Variants in RMP64 observed in about 807,000 individuals in gnomAD.
RMP64 encodes nucleolus and neural progenitor protein.
At chr3:113,008,086 C>A in the RMP64 span, 1 of 1,294,738 alleles carries the variant, frequency 7.7e-7, no homozygotes, top group Admixed American at 2.0e-5. Context: ...CTGGACATCA[C>A]ATTTTAAAGA....
At chr3:113,010,772 T>G in the RMP64 span, 1 of 1,315,020 alleles carries the variant, frequency 7.6e-7, no homozygotes, top group Non-Finnish European at 1.1e-6. Context: ...CAACAAATTC[T>G]TAAGTGCATG....
At chr3:113,013,431 CT>C in the RMP64 span, 1 of 1,415,378 alleles carries the variant, frequency 7.1e-7, no homozygotes, top group Non-Finnish European at 9.6e-7. Context: ...AAGTACATTA[CT>C]TTCACTTAAA....
At chr3:113,014,383 T>A in the RMP64 span, 1 of 183,984 alleles carries the variant, frequency 5.4e-6, no homozygotes, top group African/African-American at 2.5e-5. Context: ...TCAGATGGAG[T>A]CTCACTCTGT....
the RMP64 span, chr3:113,017,611 G>C: frequency 1.2e-6 from 2 of 1,611,830 alleles, no homozygotes; most frequent in African/African-American, 2.7e-5. Context: ...GTCTGAAGCA[G>C]AGACATCTAA....
chr3:113,007,236 C>T, the RMP64 span, among the ~76,000 whole-genome samples: 2 of 152,174 alleles, frequency 1.3e-5, no homozygotes, highest in Non-Finnish European at 2.9e-5. Context: ...CACTTTATCC[C>T]TCAGGAATAT....
chr3:113,019,545 G>A, the RMP64 span: 3 of 1,612,442 alleles, frequency 1.9e-6, no homozygotes, highest in Non-Finnish European at 2.5e-6. Flanking sequence ...CACTCACCAA[G>A]GGCCGCGCCG....
At chr3:113,017,876 T>C in the RMP64 span, among the ~76,000 whole-genome samples, 2 of 152,202 alleles carry the variant, frequency 1.3e-5, no homozygotes, top group African/African-American at 4.8e-5. Context: ...TTAATAATCT[T>C]TCATATGAAT....
chr3:113,016,893 G>A, the RMP64 span, among the ~76,000 whole-genome samples: 1 of 152,146 alleles, frequency 6.6e-6, no homozygotes, highest in Non-Finnish European at 1.5e-5. Flanking sequence ...CTTAAGAGAG[G>A]CTCTACTCTA....
the RMP64 span, among the ~76,000 whole-genome samples, chr3:113,007,959 T>C: frequency 1.3e-5 from 2 of 152,346 alleles, no homozygotes; most frequent in Admixed American, 1.3e-4. Context: ...TAACGGGGAC[T>C]GAAGTCCAAT....
chr3:113,008,651 C>A, the RMP64 span: 14 of 359,912 alleles, frequency 3.9e-5, no homozygotes, highest in Admixed American at 4.6e-4. Flanking sequence ...TACGTACCCA[C>A]AAAACCTAAA....
chr3:113,012,765 G>C, the RMP64 span: 1 of 1,607,970 alleles, frequency 6.2e-7, no homozygotes, highest in Non-Finnish European at 8.5e-7. Context: ...ACCATCACAA[G>C]GTTTAAAATA....
At chr3:113,011,937 G>C in the RMP64 span, among the ~76,000 whole-genome samples, 6 of 152,118 alleles carry the variant, frequency 3.9e-5, no homozygotes, top group Admixed American at 6.5e-5. Flanking sequence ...AGATATCCAG[G>C]TTAAGATATC....
the RMP64 span, chr3:113,012,804 C>T: frequency 6.3e-7 from 1 of 1,596,842 alleles, no homozygotes; most frequent in Non-Finnish European, 8.6e-7. Flanking sequence ...AGATGTTTCA[C>T]AGTCAAACTG....
the RMP64 span, chr3:113,019,630 C>A: frequency 6.2e-7 from 1 of 1,613,340 alleles, no homozygotes; most frequent in East Asian, 2.2e-5. Flanking sequence ...CCAGGCCCGG[C>A]GGCACCGCAG....
chr3:113,009,390 A>G, the RMP64 span: 2 of 152,238 alleles, frequency 1.3e-5, no homozygotes, highest in Non-Finnish European at 2.9e-5. Flanking sequence ...GATCAATAGA[A>G]GTAGTTTGCT....
chr3:113,010,563 T>C, the RMP64 span: 1 of 1,161,886 alleles, frequency 8.6e-7, no homozygotes, highest in South Asian at 1.3e-5. Context: ...AATGAAAAGA[T>C]TCAATCTCTG....
At chr3:113,003,370 C>T in the RMP64 span, 9 of 152,042 alleles carry the variant, frequency 5.9e-5, no homozygotes, top group Admixed American at 3.3e-4. Flanking sequence ...TAATTCACTA[C>T]GATGACCCTG....
At chr3:113,010,742 G>GCAT in the RMP64 span, 1 of 1,519,358 alleles carries the variant, frequency 6.6e-7, no homozygotes, top group Non-Finnish European at 9.1e-7. Context: ...AAAACCTTAG[G>GCAT]CATACTATTT....
At chr3:113,019,555 G>A in the RMP64 span, 1 of 1,613,192 alleles carries the variant, frequency 6.2e-7, no homozygotes, top group Non-Finnish European at 8.5e-7. Flanking sequence ...GGGCCGCGCC[G>A]GGGTTCTGCA....
Sources: allele counts gnomAD v4.1 joint callset (sites outside exome capture counted in the v4.1 genomes callset), GRCh38; gene constraint gnomAD v4.1.1; transcripts MANE v1.5; gene names NCBI Gene and HGNC (gene_info 2026-07-23, HGNC 2026-07-21).